TTLL5: variants seen among roughly 807,000 people sequenced by gnomAD.
TTLL5 encodes the protein tubulin tyrosine ligase like 5.
Under a neutral mutation model 168.4 loss-of-function variants are expected in TTLL5, and 132 were observed. The observed-to-expected ratio is 0.78, with a 90% confidence interval of 0.68 to 0.91. TTLL5 has a LOEUF of 0.91. Ranked by LOEUF, TTLL5 falls within the 40% of genes least tolerant of loss-of-function variation. TTLL5 has a pLI of 0.00. For missense variants in TTLL5, 1,545 were observed against 1,581.5 expected (o/e 0.98, Z 0.39); for synonymous variants, 546 against 558.6 (o/e 0.98, Z 0.32).
In TTLL5 at chr14:75,690,235, A is replaced by G. The variant is rs1465913135; in HGVS notation, c.415A>G (p.Ile139Val). ...GAAGGACCGACTGTACAAAAACATT[A>G]TTCGAATGCAGCATACACATGGATT... is the stretch of plus-strand genomic sequence containing the variant. ...TRKDRLYKNI[I>V]RMQHTHGFKA... The change falls in exon 6 of 32, where the codon ATT (isoleucine) becomes GTT (valine). Residue 139 changes from isoleucine to valine, a missense_variant. Transcript: ENST00000298832. 6.2e-7 allele frequency: 1 copy of G among 1,613,438 alleles called. No individual in the cohort carries two copies. The highest frequency in any genetic ancestry group is 2.2e-5 in the East Asian group (1 of 44,868).
At chr14:75,695,804 TC>T (rs1885800955) in intron 6 of TTLL5, among the ~76,000 whole-genome samples, 1 of 45,776 alleles carries the variant, frequency 2.2e-5, no homozygotes, top group Admixed American at 2.5e-4. Context: ...TTCCCTGCCC[TC>T]CCCTCCCCTC....
At chr14:75,878,488 C>T (rs567844596) in intron 29 of TTLL5, among the ~76,000 whole-genome samples, 1 of 152,076 alleles carries the variant, frequency 6.6e-6, no homozygotes, top group Non-Finnish European at 1.5e-5. Context: ...CCGAGTCTGC[C>T]CATTTAAAGA....
At chr14:75,867,534 G>C (rs1450909576) in intron 29 of TTLL5, among the ~76,000 whole-genome samples, 1 of 152,128 alleles carries the variant, frequency 6.6e-6, no homozygotes, top group Non-Finnish European at 1.5e-5. Flanking sequence ...GGCCAAGGCA[G>C]GTGGATCACA....
intron 31 of TTLL5, among the ~76,000 whole-genome samples, chr14:75,930,419 C>T (rs2034237676): frequency 6.6e-6 from 1 of 152,098 alleles, no homozygotes. Context: ...AGGAAATGCA[C>T]ATTGGAGCAT....
chr14:75,821,037 A>C (rs1894803003), intron 28 of TTLL5, among the ~76,000 whole-genome samples: 1 of 152,140 alleles, frequency 6.6e-6, no homozygotes, highest in Non-Finnish European at 1.5e-5. Context: ...TCTGCCTTTT[A>C]GTATGCTGCT....
At chr14:75,884,952 C>T (rs1198619673) in intron 30 of TTLL5, among the ~76,000 whole-genome samples, 2 of 143,068 alleles carry the variant, frequency 1.4e-5, no homozygotes, top group South Asian at 4.5e-4. Context: ...GGGCGGATCA[C>T]GAGGTCAGGA....
At chr14:75,779,767 A>G in intron 24 of TTLL5, 65 bp downstream of exon 24, 7 of 1,509,524 alleles carry the variant, frequency 4.6e-6, no homozygotes, top group Non-Finnish European at 5.4e-6. Flanking sequence ...AATGCAAAGG[A>G]GAATGAGGAA....
chr14:75,923,829 G>A (rs2033910985), intron 31 of TTLL5, among the ~76,000 whole-genome samples: 1 of 152,142 alleles, frequency 6.6e-6, no homozygotes, highest in Non-Finnish European at 1.5e-5. Flanking sequence ...CACTATTATT[G>A]TGTGGGAGTC....
At chr14:75,925,688 G>A (rs1303993421) in intron 31 of TTLL5, among the ~76,000 whole-genome samples, 1 of 152,018 alleles carries the variant, frequency 6.6e-6, no homozygotes, top group Admixed American at 6.5e-5. Flanking sequence ...ACTTTGGGAG[G>A]CCAAGGCAGG....
At chr14:75,747,628 G>A (rs1889693348) in intron 17 of TTLL5, among the ~76,000 whole-genome samples, 1 of 151,542 alleles carries the variant, frequency 6.6e-6, no homozygotes, top group Non-Finnish European at 1.5e-5. Context: ...TTTGTTTATA[G>A]TAGCTTTTTG....
At chr14:75,684,397 A>G (rs1429265754) in intron 5 of TTLL5, 3 of 152,220 alleles carry the variant, frequency 2.0e-5, no homozygotes, top group Non-Finnish European at 4.4e-5. Context: ...ATTAGTGTCT[A>G]ATTTAATTCT....
chr14:75,954,676 G>A lies in TTLL5; in HGVS notation c.*230G>A. On this transcript the variant is annotated 3_prime_UTR_variant, in exon 32 of 32. Transcript: ENST00000298832. ...TGGGTTTTGATGGAACTTGGCAGTG[G>A]GGACATTCAGCTGATGCATTATATA... is the stretch of plus-strand genomic sequence containing the variant. 1 of 587,872 alleles carries A rather than the reference G, an allele frequency of 1.7e-6. No homozygotes were observed. Among genetic ancestry groups the A allele is most frequent in the South Asian group, 2.2e-5 (1 of 45,588 alleles). The allele number at this position is 587,872 out of a possible 1,614,324, so 36.4% of individuals were successfully genotyped here.
In TTLL5 at chr14:75,775,480, A is replaced by G. The variant is rs763286618; in HGVS notation, c.2137-4A>G. ...TTTTTCTCCCACGACTCTTTAATTT[A>G]TAGGAGCTGGTTGTTCGTTTCCTCA... On this transcript the variant is annotated splice_region_variant and splice_polypyrimidine_tract_variant and intron_variant, in intron 21 of 31. Transcript: ENST00000298832. The G allele has an allele frequency of 3.9e-5, 63 of 1,612,544 alleles. No homozygotes were observed. In the South Asian group the frequency reaches 6.8e-4, roughly 17 times the overall value.
At chr14:75,810,959 A>G (rs188444088) in intron 27 of TTLL5, among the ~76,000 whole-genome samples, 1 of 152,264 alleles carries the variant, frequency 6.6e-6, no homozygotes, top group Non-Finnish European at 1.5e-5. Flanking sequence ...TGATCATTTT[A>G]TTTCCCTGAA....
At chr14:75,917,986 A>G (rs1020576449) in intron 31 of TTLL5, among the ~76,000 whole-genome samples, 2 of 152,198 alleles carry the variant, frequency 1.3e-5, no homozygotes, top group Admixed American at 6.5e-5. Flanking sequence ...CTTCAGAGAC[A>G]TAACTGAGGA....
chr14:75,728,349 T>G (rs1301662721), intron 12 of TTLL5, among the ~76,000 whole-genome samples: 1 of 112,382 alleles, frequency 8.9e-6, no homozygotes, highest in Non-Finnish European at 1.8e-5. Flanking sequence ...AGAGCAAAAC[T>G]CCATCTCAGA....
At chr14:75,682,831 A>C (rs556881322) in intron 4 of TTLL5, among the ~76,000 whole-genome samples, 1 of 151,550 alleles carries the variant, frequency 6.6e-6, no homozygotes, top group African/African-American at 2.4e-5. Context: ...CAGTGGCATG[A>C]TCATAGTTCA....
chr14:75,941,963 C>T (rs1462369500), intron 31 of TTLL5, among the ~76,000 whole-genome samples: 1 of 149,636 alleles, frequency 6.7e-6, no homozygotes, highest in African/African-American at 2.5e-5. Flanking sequence ...AGGCGGATCA[C>T]GAGGTCAGGA....
intron 26 of TTLL5, among the ~76,000 whole-genome samples, chr14:75,791,343 A>G (rs1469396189): frequency 6.6e-6 from 1 of 152,152 alleles, no homozygotes; most frequent in Non-Finnish European, 1.5e-5. Flanking sequence ...GTATTTATAA[A>G]ATGGAATGCC....
Sources: gnomAD v4.1 joint callset for allele counts (sites outside exome capture counted in the v4.1 genomes callset) on GRCh38, gnomAD v4.1.1 for gene constraint, MANE v1.5 for transcripts, NCBI Gene and HGNC (gene_info 2026-07-23, HGNC 2026-07-21) for gene names.